DOCK1: variants seen among roughly 807,000 people sequenced by gnomAD.
The protein encoded by DOCK1 is dedicator of cytokinesis protein 1.
Under a neutral mutation model 262.7 loss-of-function variants are expected in DOCK1, and 138 were observed. That is an observed-to-expected ratio of 0.53 (90% CI 0.46 to 0.61). The LOEUF (loss-of-function observed/expected upper bound fraction) is 0.61, where lower values mean the gene tolerates loss of function less well. Ranked by LOEUF, DOCK1 falls within the 20% of genes least tolerant of loss-of-function variation. The probability of loss-of-function intolerance (pLI) is 0.00; values close to 1 mark genes in which losing one functional copy is unlikely to be tolerated. For missense variants in DOCK1, 1,908 were observed against 2,370.7 expected (o/e 0.80, Z 4.05); for synonymous variants, 866 against 867.4 (o/e 1.00, Z 0.03).
At chr10:127,432,874 G>A (rs1315991929) in intron 47 of DOCK1, among the ~76,000 whole-genome samples, 1 of 152,140 alleles carries the variant, frequency 6.6e-6, no homozygotes, top group Admixed American at 6.5e-5. Flanking sequence ...CATTTTGATG[G>A]CCCGTGTAGT....
At chr10:127,289,265 T>A (rs2061267412) in intron 29 of DOCK1, among the ~76,000 whole-genome samples, 1 of 152,178 alleles carries the variant, frequency 6.6e-6, no homozygotes, top group East Asian at 1.9e-4. Context: ...TTCTGGAGAC[T>A]GGCGTGTTGT....
intron 31 of DOCK1, among the ~76,000 whole-genome samples, chr10:127,351,436 T>G (rs182649453): frequency 6.6e-6 from 1 of 152,302 alleles, no homozygotes; most frequent in Non-Finnish European, 1.5e-5. Context: ...GAAAGCACTT[T>G]GAAAGATGTG....
chr10:127,083,356 C>T (rs2047016459), intron 23 of DOCK1, among the ~76,000 whole-genome samples: 1 of 152,190 alleles, frequency 6.6e-6, no homozygotes, highest in South Asian at 2.1e-4. Context: ...AGTCCTGGCT[C>T]CTTGGTGGGG....
intron 23 of DOCK1, among the ~76,000 whole-genome samples, chr10:127,093,420 C>T (rs1268889918): frequency 1.3e-5 from 2 of 151,208 alleles, no homozygotes; most frequent in Non-Finnish European, 3.0e-5. Flanking sequence ...GGCATGATCT[C>T]AGCTTACTGC....
intron 12 of DOCK1, among the ~76,000 whole-genome samples, chr10:127,018,289 A>G (rs527528688): frequency 6.6e-6 from 1 of 152,280 alleles, no homozygotes; most frequent in Non-Finnish European, 1.5e-5. Flanking sequence ...GAAGCTACGA[A>G]TTCACCTCCA....
chr10:127,439,337 T>G, intron 49 of DOCK1, 112 bp downstream of exon 49: 1 of 1,170,546 alleles, frequency 8.5e-7, no homozygotes, highest in Non-Finnish European at 1.2e-6. Flanking sequence ...TGTTATAAAT[T>G]AGCAACTCAG....
At chr10:127,094,973 C>T (rs552263154) in intron 23 of DOCK1, among the ~76,000 whole-genome samples, 9 of 152,314 alleles carry the variant, frequency 5.9e-5, no homozygotes, top group Non-Finnish European at 8.8e-5. Flanking sequence ...GCTCTCTGCC[C>T]TCTCCATGAG....
chr10:126,986,386 C>CTAT, intron 4 of DOCK1, among the ~76,000 whole-genome samples: 1 of 152,264 alleles, frequency 6.6e-6, no homozygotes, highest in East Asian at 1.9e-4. Context: ...TAGGTGGGAA[C>CTAT]TATTGTAGCA....
At chr10:127,106,153 T>A in intron 23 of DOCK1, 78 bp from the exon 24 acceptor site, 1 of 1,414,060 alleles carries the variant, frequency 7.1e-7, no homozygotes, top group Middle Eastern at 1.8e-4. Flanking sequence ...TCTGCGGTTC[T>A]TCTCATAAGG....
intron 29 of DOCK1, among the ~76,000 whole-genome samples, chr10:127,310,411 C>T (rs11017226): frequency 0.16 from 24,202 of 152,014 alleles, 2,272 homozygotes; most frequent in East Asian, 0.33. Flanking sequence ...GGGAGAATCA[C>T]GGGAGGCCAA....
chr10:126,959,344 G>A (rs930597363), intron 1 of DOCK1, among the ~76,000 whole-genome samples: 5 of 152,176 alleles, frequency 3.3e-5, no homozygotes, highest in Non-Finnish European at 7.4e-5. Context: ...ATATGGCAAA[G>A]AAACATGTTT....
chr10:126,974,702 T>C (rs565967071), intron 2 of DOCK1, among the ~76,000 whole-genome samples: 5 of 152,298 alleles, frequency 3.3e-5, no homozygotes, highest in South Asian at 2.1e-4. Flanking sequence ...AACTCTGTCA[T>C]GCAGCAGGGT....
At chr10:127,117,806 A>T (rs1035864902) in intron 25 of DOCK1, among the ~76,000 whole-genome samples, 7 of 152,216 alleles carry the variant, frequency 4.6e-5, no homozygotes, top group Admixed American at 6.5e-5. Context: ...TCTCTTTAGT[A>T]CATGATTTCT....
intron 11 of DOCK1, among the ~76,000 whole-genome samples, chr10:127,011,170 TAGAC>T (rs578189220): frequency 1.5e-4 from 23 of 152,330 alleles, no homozygotes; most frequent in Non-Finnish European, 2.5e-4. Flanking sequence ...GGAAGACTAA[TAGAC>T]AGATGAATAT....
intron 38 of DOCK1, chr10:127,402,578 T>A (rs1403199575): frequency 2.0e-6 from 1 of 494,426 alleles, no homozygotes; most frequent in Non-Finnish European, 4.1e-6. Context: ...GTCTGCCCTG[T>A]TATTTCTGAT....
chr10:127,173,744 C>G (rs2054802043), intron 27 of DOCK1, among the ~76,000 whole-genome samples: 1 of 152,152 alleles, frequency 6.6e-6, no homozygotes, highest in African/African-American at 2.4e-5. Context: ...GTCTCCCCCA[C>G]CCCACGCCTG....
chr10:127,036,296 G>T (rs1019452976), intron 18 of DOCK1, among the ~76,000 whole-genome samples: 1 of 152,104 alleles, frequency 6.6e-6, no homozygotes, highest in East Asian at 1.9e-4. Flanking sequence ...GGGATCTTTG[G>T]GTGCTCCTTT....
chr10:127,308,306 T>C (rs904601563), intron 29 of DOCK1, among the ~76,000 whole-genome samples: 7 of 152,202 alleles, frequency 4.6e-5, no homozygotes, highest in South Asian at 2.1e-4. Flanking sequence ...ACCTCGTTGG[T>C]GGAGGTGACC....
At chr10:127,023,448 G>T in intron 14 of DOCK1, 124 bp downstream of exon 14, 1 of 1,352,584 alleles carries the variant, frequency 7.4e-7, no homozygotes, top group South Asian at 1.5e-5. Flanking sequence ...CTTGGGATTG[G>T]CGTTGGTTCT....
Sources: gnomAD v4.1 joint callset for allele counts (sites outside exome capture counted in the v4.1 genomes callset) on GRCh38, gnomAD v4.1.1 for gene constraint, MANE v1.5 for transcripts, NCBI Gene and HGNC (gene_info 2026-07-23, HGNC 2026-07-21) for gene names.